MPRIP: variants seen among roughly 807,000 people sequenced by gnomAD.
MPRIP encodes myosin phosphatase Rho-interacting protein.
MPRIP carries 59 observed loss-of-function variants against 234.9 expected under a neutral mutation model. That is an observed-to-expected ratio of 0.25 (90% CI 0.20 to 0.31). The LOEUF (loss-of-function observed/expected upper bound fraction) is 0.31, where lower values mean the gene tolerates loss of function less well. MPRIP is among the 10% of genes least tolerant of loss of function. The pLI, the probability that MPRIP is intolerant of heterozygous loss-of-function variation, is 1.00. For missense variants in MPRIP, 2,436 were observed against 3,071.0 expected, an observed-to-expected ratio of 0.79 and a Z score of 4.89; for synonymous variants, 1,144 against 1,263.9, an observed-to-expected ratio of 0.91 and a Z score of 2.01.
At chr17:17,153,574 C>T (rs1008852898) in intron 12 of MPRIP, among the ~76,000 whole-genome samples, 1 of 151,572 alleles carries the variant, frequency 6.6e-6, no homozygotes, top group Non-Finnish European at 1.5e-5. Flanking sequence ...GGCTCCTCCC[C>T]TGCTACCTTG....
intron 8 of MPRIP, among the ~76,000 whole-genome samples, 155 bp downstream of exon 8, chr17:17,142,920 G>A (rs1218353917): frequency 1.3e-5 from 2 of 152,128 alleles, no homozygotes; most frequent in African/African-American, 4.8e-5. Context: ...TTGAGAGCAG[G>A]CCTGTCTCCT....
At chr17:17,054,486 G>A (rs2088634055) in intron 1 of MPRIP, among the ~76,000 whole-genome samples, 1 of 152,192 alleles carries the variant, frequency 6.6e-6, no homozygotes. Flanking sequence ...AGCCTGGACA[G>A]GACGCCGTTC....
chr17:17,112,098 C>G (rs1333159626), intron 3 of MPRIP, among the ~76,000 whole-genome samples: 1 of 152,202 alleles, frequency 6.6e-6, no homozygotes, highest in Non-Finnish European at 1.5e-5. Flanking sequence ...TGCTGCTGCG[C>G]TTTTCCAACT....
chr17:17,095,324 G>T (rs1161858058), intron 3 of MPRIP, among the ~76,000 whole-genome samples: 3 of 152,332 alleles, frequency 2.0e-5, no homozygotes, highest in African/African-American at 7.2e-5. Flanking sequence ...TATGGGGTGC[G>T]TGTAGGAATA....
chr17:17,092,572 C>T (rs747711591), intron 3 of MPRIP, among the ~76,000 whole-genome samples: 28 of 152,152 alleles, frequency 1.8e-4, no homozygotes, highest in Non-Finnish European at 3.8e-4. Flanking sequence ...TTTCTCCTTG[C>T]TTGCTTCTAT....
At chr17:17,043,515 G>A (rs925993902) in intron 1 of MPRIP, among the ~76,000 whole-genome samples, 2 of 152,202 alleles carry the variant, frequency 1.3e-5, no homozygotes, top group African/African-American at 4.8e-5. Flanking sequence ...GCGGGGAGCT[G>A]GGACCAGTTC....
intron 18 of MPRIP, among the ~76,000 whole-genome samples, chr17:17,173,433 T>G (rs756768901): frequency 1.2e-4 from 19 of 152,160 alleles, no homozygotes; most frequent in Non-Finnish European, 4.4e-5. Flanking sequence ...CTGACCTTGG[T>G]CAGAGCAGGG....
chr17:17,138,965 G>A lies in MPRIP; in HGVS notation c.1250+536G>A, dbSNP rs1355318691. ...GGAGCCACAGCCCCAGGAAACCTGA[G>A]GCAACCTGTGAAGCAGCTGAGCACC... is the stretch of plus-strand genomic sequence containing the variant. On this transcript the variant is annotated intron_variant, in intron 7 of 23. Transcript: ENST00000651222. This position sits in a 1 kb window ranked among gnomAD's most constrained non-coding sequence, Gnocchi z 5.8. 2.0e-5 allele frequency among the ~76,000 whole-genome samples: 3 copies of A among 152,234 alleles called. No homozygotes were observed. The highest frequency in any genetic ancestry group is 4.4e-5 in the Non-Finnish European group (3 of 68,042).
intron 1 of MPRIP, among the ~76,000 whole-genome samples, chr17:17,051,333 A>T (rs2088534692): frequency 6.6e-6 from 1 of 152,228 alleles, no homozygotes. Flanking sequence ...ACTACTGGAC[A>T]TGGAGGATCA....
intron 3 of MPRIP, among the ~76,000 whole-genome samples, chr17:17,085,408 G>C (rs73979078): frequency 0.24 from 36,268 of 152,200 alleles, 7,962 homozygotes; most frequent in African/African-American, 0.58. Flanking sequence ...GGTAGCCCCC[G>C]CAGGCCCTCC....
intron 3 of MPRIP, among the ~76,000 whole-genome samples, chr17:17,104,053 A>G (rs1188436346): frequency 3.6e-4 from 54 of 152,106 alleles, no homozygotes; most frequent in Admixed American, 3.5e-3. Context: ...CTAAGATGGT[A>G]ATGAATAATG....
At position 17,165,695 on chromosome 17, in the gene MPRIP, T is replaced by C. The variant is rs2045972677; in HGVS notation, c.4104T>C (p.Ser1368=). 7.7e-7 allele frequency: 1 copy of C among 1,305,016 alleles called. No individual in the cohort carries two copies. Among genetic ancestry groups the C allele is most frequent in the Non-Finnish European group, 1.0e-6 (1 of 989,012 alleles). The allele number at this position is 1,305,016 out of a possible 1,614,324, so 80.8% of individuals were successfully genotyped here. ...EESMSSEPAP[S]VLPATGDSDT... is the part of the protein sequence containing the mutation. Reference sequence around the variant, plus strand: ...GCATGTCCTCAGAGCCTGCACCCAGTGTACTGCCTGCAACTGGCGACTCTG... The same window carrying C: ...GCATGTCCTCAGAGCCTGCACCCAGCGTACTGCCTGCAACTGGCGACTCTG... Residue 1368 remains serine (S), a synonymous_variant, in exon 16 of 24, where the codon AGT becomes AGC. Transcript: ENST00000651222.
At position 17,137,923 on chromosome 17, in the gene MPRIP, C is replaced by T. The variant is rs151006993; in HGVS notation, c.744C>T (p.Ser248=). ...TCCCACTGTCTCTTCCAGAGGAGAGCGCCATGAGTAGCGACCGCATGGACT... is the reference window on the plus strand; with the variant it reads ...TCCCACTGTCTCTTCCAGAGGAGAGTGCCATGAGTAGCGACCGCATGGACT... ...EPGLESKEEE[S]AMSSDRMDCG... is the part of the protein sequence containing the mutation. The change falls in exon 7 of 24, where the codon AGC becomes AGT. Residue 248 remains serine (S), a synonymous_variant. Transcript: ENST00000651222. The T allele has an allele frequency of 1.8e-5, 29 of 1,603,066 alleles. No individual in the cohort carries two copies. Among genetic ancestry groups the T allele is most frequent in the African/African-American group, 2.7e-5 (2 of 74,310 alleles).
chr17:17,062,954 G>A (rs2088911606), intron 1 of MPRIP, among the ~76,000 whole-genome samples: 1 of 152,234 alleles, frequency 6.6e-6, no homozygotes, highest in South Asian at 2.1e-4. Flanking sequence ...TCTTGTCCTT[G>A]GTGGCATAGT....
intron 4 of MPRIP, among the ~76,000 whole-genome samples, chr17:17,130,833 G>A (rs953820504): frequency 1.3e-5 from 2 of 152,104 alleles, no homozygotes; most frequent in African/African-American, 2.4e-5. Context: ...AACTGCTGTT[G>A]GTTCCTTTGT....
intron 1 of MPRIP, among the ~76,000 whole-genome samples, chr17:17,047,699 A>G (rs2088397891): frequency 6.6e-6 from 1 of 152,146 alleles, no homozygotes; most frequent in African/African-American, 2.4e-5. Context: ...AGTTAGAAGT[A>G]CCTTTAACAG....
At chr17:17,082,963 A>G (rs1375294513) in intron 3 of MPRIP, among the ~76,000 whole-genome samples, 1 of 152,154 alleles carries the variant, frequency 6.6e-6, no homozygotes, top group Non-Finnish European at 1.5e-5. Flanking sequence ...GGTAGGTCTG[A>G]TGATCTTGGA....
rs2046591089 is a variant in MPRIP at position 17,191,753 on chromosome 17, C to T, written c.*6859C>T. 6.6e-6 allele frequency: 1 copy of T among 152,230 alleles called. No homozygotes were observed. The highest frequency in any genetic ancestry group is 2.4e-5 in the African/African-American group (1 of 41,456). 9.4% of individuals were successfully genotyped at this position (152,230 alleles called of 1,614,324 possible). A position where few individuals can be genotyped will look rare whatever the true frequency, so the allele number is the denominator to read the frequency against. ...CCTTGAGAAGTTAGTGGTGTCACATCCTTAGTTTTATAGACAGCTAGGAAT... is the reference window on the plus strand; with the variant it reads ...CCTTGAGAAGTTAGTGGTGTCACATTCTTAGTTTTATAGACAGCTAGGAAT... On this transcript the variant is annotated 3_prime_UTR_variant, in exon 24 of 24. Transcript: ENST00000651222.
intron 3 of MPRIP, among the ~76,000 whole-genome samples, chr17:17,115,205 T>C (rs1398391686): frequency 1.3e-5 from 2 of 152,222 alleles, no homozygotes; most frequent in African/African-American, 4.8e-5. Flanking sequence ...GAGGGCCTAC[T>C]TGGGATGGGA....
Sources: gnomAD v4.1 joint callset for allele counts (sites outside exome capture counted in the v4.1 genomes callset) on GRCh38, gnomAD v4.1.1 for gene constraint, Gnocchi (gnomAD v3.1) non-coding constraint, MANE v1.5 for transcripts, NCBI Gene and HGNC (gene_info 2026-07-23, HGNC 2026-07-21) for gene names.